The following PRKCB variants were observed in gnomAD, a reference collection of about 807,000 sequenced individuals.
PRKCB encodes the protein protein kinase C beta type.
Under a neutral mutation model 81.5 loss-of-function variants are expected in PRKCB, and 13 were observed. The ratio of observed to expected loss-of-function variants is 0.16; its 90% CI spans 0.10 to 0.25. The LOEUF (loss-of-function observed/expected upper bound fraction) is 0.25, where lower values mean the gene tolerates loss of function less well. Among genes scored for constraint, PRKCB ranks in the 10% least tolerant of loss-of-function variants. The pLI, the probability that PRKCB is intolerant of heterozygous loss-of-function variation, is 1.00. For missense variants in PRKCB, 509 were observed against 875.7 expected, an observed-to-expected ratio of 0.58 and a Z score of 5.29; for synonymous variants, 335 against 321.4, an observed-to-expected ratio of 1.04 and a Z score of -0.45.
At chr16:23,892,188 A>T (rs1159361412) in intron 2 of PRKCB, among the ~76,000 whole-genome samples, 1 of 151,992 alleles carries the variant, frequency 6.6e-6, no homozygotes, top group African/African-American at 2.4e-5. Context: ...AGGCCTTCAC[A>T]CTCATTTTAA....
At chr16:24,000,929 A>T (rs1965025182) in intron 3 of PRKCB, among the ~76,000 whole-genome samples, 1 of 152,152 alleles carries the variant, frequency 6.6e-6, no homozygotes, top group Non-Finnish European at 1.5e-5. Flanking sequence ...AAATAACTTT[A>T]AGTTCTGTGA....
chr16:24,015,993 A>G (rs1313255484), intron 3 of PRKCB, among the ~76,000 whole-genome samples: 1 of 152,196 alleles, frequency 6.6e-6, no homozygotes, highest in East Asian at 1.9e-4. Flanking sequence ...TAATAATAAT[A>G]GCTTGTACTT....
In PRKCB at chr16:24,215,293, C is replaced by T. The variant is rs1346282013; in HGVS notation, c.*477C>T. ...TTTCACCTGTTCTGGAGGCACCAGA[C>T]CTTGAAAAGAACATGCTCAAAATAA... On this transcript the variant is annotated 3_prime_UTR_variant, in exon 17 of 17. Coordinates refer to ENST00000643927, the MANE Select transcript of PRKCB (RefSeq NM_002738.7). The T allele has an allele frequency of 4.1e-6, 4 of 986,258 alleles. No homozygotes were observed. Among genetic ancestry groups the T allele is most frequent in the East Asian group, 1.1e-4 (1 of 8,842 alleles). 61.1% of individuals were successfully genotyped at this position (986,258 alleles called of 1,614,324 possible). A position where few individuals can be genotyped will look rare whatever the true frequency, so the allele number is the denominator to read the frequency against.
intron 2 of PRKCB, among the ~76,000 whole-genome samples, chr16:23,918,918 T>C (rs1963783449): frequency 6.6e-6 from 1 of 152,240 alleles, no homozygotes; most frequent in Non-Finnish European, 1.5e-5. Flanking sequence ...TTAATACTTT[T>C]ATGATTAAGG....
chr16:23,897,258 G>A (rs1963395014), intron 2 of PRKCB, among the ~76,000 whole-genome samples: 1 of 152,234 alleles, frequency 6.6e-6, no homozygotes, highest in South Asian at 2.1e-4. Context: ...GTGGGAAAGA[G>A]CTGAGAACAA....
chr16:24,070,147 A>ATTTT (rs761693030), intron 5 of PRKCB, among the ~76,000 whole-genome samples: 20 of 134,964 alleles, frequency 1.5e-4, no homozygotes, highest in African/African-American at 5.4e-4. Flanking sequence ...AAACCAGGGG[A>ATTTT]TTTTTTTTTT....
chr16:24,124,013 T>C (rs748379616), intron 9 of PRKCB, 32 bp downstream of exon 9: 8 of 1,612,778 alleles, frequency 5.0e-6, no homozygotes, highest in Non-Finnish European at 6.8e-6. Flanking sequence ...CCACCTGCTT[T>C]GGAAGGAACA....
At chr16:23,921,963 AG>A in intron 2 of PRKCB, among the ~76,000 whole-genome samples, 1 of 152,274 alleles carries the variant, frequency 6.6e-6, no homozygotes, top group African/African-American at 2.4e-5. Context: ...GCAAAGACTT[AG>A]GGAAAGGGCA....
chr16:24,129,520 CATCT>C (rs138115366), intron 9 of PRKCB, among the ~76,000 whole-genome samples: 30,040 of 151,198 alleles, frequency 0.2, 3,312 homozygotes, highest in South Asian at 0.33. Flanking sequence ...CATGCACGTG[CATCT>C]ATCTATCTAT....
At chr16:23,845,304 C>T (rs182609559) in intron 2 of PRKCB, among the ~76,000 whole-genome samples, 9 of 151,708 alleles carry the variant, frequency 5.9e-5, no homozygotes, top group African/African-American at 1.7e-4. Flanking sequence ...GACTGGGTAC[C>T]GGGAGAATAT....
chr16:23,967,030 A>G (rs1964496375), intron 2 of PRKCB, among the ~76,000 whole-genome samples: 1 of 144,672 alleles, frequency 6.9e-6, no homozygotes, highest in Non-Finnish European at 1.5e-5. Flanking sequence ...TTTTTTTTAA[A>G]GCACAGTACA....
chr16:23,842,233 C>T (rs1038836979), intron 2 of PRKCB, among the ~76,000 whole-genome samples: 27 of 152,152 alleles, frequency 1.8e-4, no homozygotes, highest in Admixed American at 8.5e-4. Flanking sequence ...TTGGGCAAGT[C>T]GTCCCCCAGC....
chr16:24,031,997 G>A (rs1965556110), intron 3 of PRKCB, 139 bp from the exon 4 acceptor site: 1 of 587,244 alleles, frequency 1.7e-6, no homozygotes, highest in East Asian at 2.9e-5. Flanking sequence ...CAGGGCTCCA[G>A]CGATGGTCCC....
intron 2 of PRKCB, among the ~76,000 whole-genome samples, chr16:23,903,258 AGT>A (rs3073125): frequency 0.77 from 113,797 of 147,270 alleles, 43,971 homozygotes; most frequent in East Asian, 0.96. Flanking sequence ...AGGGAACTTA[AGT>A]GTGTGTGTGT....
chr16:24,085,435 A>G (rs974577595), intron 5 of PRKCB, among the ~76,000 whole-genome samples: 6 of 152,242 alleles, frequency 3.9e-5, no homozygotes, highest in Admixed American at 2.6e-4. Flanking sequence ...GAAAGGAGAA[A>G]GGAAATCAAC....
intron 4 of PRKCB, among the ~76,000 whole-genome samples, 162 bp downstream of exon 4, chr16:24,032,409 A>G (rs1203927491): frequency 6.6e-6 from 1 of 152,164 alleles, no homozygotes; most frequent in Non-Finnish European, 1.5e-5. Flanking sequence ...TCCCACCCCA[A>G]AACACTGTGA....
At chr16:24,021,206 CTTT>C in intron 3 of PRKCB, among the ~76,000 whole-genome samples, 8 of 37,680 alleles carry the variant, frequency 2.1e-4, no homozygotes, top group African/African-American at 1.0e-3. Flanking sequence ...TTCTTTCTTT[CTTT>C]CTTTCTTTCT....
chr16:23,923,204 C>T (rs1963850615), intron 2 of PRKCB, among the ~76,000 whole-genome samples: 1 of 152,012 alleles, frequency 6.6e-6, no homozygotes, highest in Admixed American at 6.6e-5. Context: ...ACCAAAAAGT[C>T]CAAGGGTAGC....
At chr16:24,039,520 G>C (rs1965672026) in intron 5 of PRKCB, among the ~76,000 whole-genome samples, 1 of 152,218 alleles carries the variant, frequency 6.6e-6, no homozygotes, top group African/African-American at 2.4e-5. Flanking sequence ...GTGAGCCACT[G>C]TGCCGGCCTA....
Sources: allele counts gnomAD v4.1 joint callset (sites outside exome capture counted in the v4.1 genomes callset), GRCh38; gene constraint gnomAD v4.1.1; transcripts MANE v1.5; gene names NCBI Gene and HGNC (gene_info 2026-07-23, HGNC 2026-07-21).